Variants in ZNFX1 observed in about 807,000 individuals in gnomAD.
ZNFX1 encodes the protein NFX1-type zinc finger-containing protein 1.
In ZNFX1, 78 loss-of-function variants were observed where a neutral mutation model predicts 179.8. That is an observed-to-expected ratio of 0.43 (90% CI 0.36 to 0.52). The LOEUF (loss-of-function observed/expected upper bound fraction) is 0.52, where lower values mean the gene tolerates loss of function less well. Ranked by LOEUF, ZNFX1 falls within the 20% of genes least tolerant of loss-of-function variation. The pLI, the probability that ZNFX1 is intolerant of heterozygous loss-of-function variation, is 0.00. For missense variants in ZNFX1, 1,927 were observed against 2,386.6 expected, an observed-to-expected ratio of 0.81 and a Z score of 4.01; for synonymous variants, 848 against 868.5, an observed-to-expected ratio of 0.98 and a Z score of 0.42.
chr20:49,263,610 C>T lies in ZNFX1; in HGVS notation c.2152-127G>A, dbSNP rs377205090. On this transcript the variant is annotated intron_variant, in intron 5 of 13. Transcript: ENST00000396105. ...AGGGAGAATAAATAAATAGACTGGTCAACAAACCAATTTCCCAAGGCACAT... is the reference window on the plus strand; with the variant it reads ...AGGGAGAATAAATAAATAGACTGGTTAACAAACCAATTTCCCAAGGCACAT... 102 of 1,133,448 alleles carry T rather than the reference C, an allele frequency of 9.0e-5. No individual in the cohort carries two copies. The East Asian group carries it at 1.6e-3, about 18-fold the overall frequency. 70.2% of individuals were successfully genotyped at this position (1,133,448 alleles called of 1,614,324 possible). A position where few individuals can be genotyped will look rare whatever the true frequency, so the allele number is the denominator to read the frequency against.
intron 8 of ZNFX1, among the ~76,000 whole-genome samples, chr20:49,256,309 A>G (rs1980969636): frequency 6.6e-6 from 1 of 152,212 alleles, no homozygotes; most frequent in Non-Finnish European, 1.5e-5. Context: ...TACTAGTACT[A>G]GCACTAGTTA....
In ZNFX1 at chr20:49,247,231, A is replaced by C; in HGVS notation, c.*36T>G. On this transcript the variant is annotated 3_prime_UTR_variant, in exon 14 of 14. Transcript: ENST00000396105. ...ATTAGGGAGCTGGCCCCAGTCATTCAGTGGCGAGGGCAAAAGGCAGTGGTG... is the reference window on the plus strand; with the variant it reads ...ATTAGGGAGCTGGCCCCAGTCATTCCGTGGCGAGGGCAAAAGGCAGTGGTG... 6.4e-7 allele frequency: 1 copy of C among 1,554,708 alleles called. No homozygotes were observed. The highest frequency in any genetic ancestry group is 8.7e-7 in the Non-Finnish European group (1 of 1,150,920).
At position 49,248,975 on chromosome 20, in the gene ZNFX1, T is replaced by G. The variant is rs751718170; in HGVS notation, c.4049A>C (p.Lys1350Thr). 6.2e-7 allele frequency: 1 copy of G among 1,614,194 alleles called. No individual in the cohort carries two copies. Among genetic ancestry groups the G allele is most frequent in the Non-Finnish European group, 8.5e-7 (1 of 1,180,034 alleles). ...TTCATGGCCGCACCGAGGAATGGTT[T>G]TGGGCACCTTCACCTGACAAGGCTG... The part of the protein sequence containing the change: ...ECQPCQVKVP[K>T]TIPRCGHEQM... Residue 1350 changes from lysine to threonine, a missense_variant, in exon 14 of 14, where the codon AAA becomes ACA. By Grantham distance (78) the Lys-to-Thr change is moderately conservative. Coordinates refer to ENST00000396105, the MANE Select transcript of ZNFX1 (RefSeq NM_021035.3). The surrounding 1 kb of genome is among the most constrained non-coding windows in gnomAD (Gnocchi z 4.6).
rs746935622 is a variant in ZNFX1, at chr20:49,270,729, T to A, written c.1083A>T (p.Lys361Asn). ...CCAGATAGATAGCAGTGCTGTCGTATTTTCCAGAAATGATATTGGGGCGAA... is the reference window on the plus strand; with the variant it reads ...CCAGATAGATAGCAGTGCTGTCGTAATTTCCAGAAATGATATTGGGGCGAA... ...PFLRPNIISGKYDSTAIYLDT... is the reference protein window; with the variant it reads ...PFLRPNIISGNYDSTAIYLDT... Residue 361 changes from lysine to asparagine, a missense_variant, in exon 3 of 14, where the codon AAA (lysine) becomes AAT (asparagine). By Grantham distance (94) the Lys-to-Asn change is moderately conservative (BLOSUM62 0). Coordinates refer to ENST00000396105, the MANE Select transcript of ZNFX1 (RefSeq NM_021035.3). The surrounding 1 kb of genome is among the most constrained non-coding windows in gnomAD (Gnocchi z 4.6). 1 of 1,614,196 alleles carries A rather than the reference T, an allele frequency of 6.2e-7. No individual in the cohort carries two copies.
chr20:49,261,306 C>T (rs562759456), intron 6 of ZNFX1, among the ~76,000 whole-genome samples: 4 of 152,238 alleles, frequency 2.6e-5, no homozygotes, highest in Admixed American at 6.5e-5. Context: ...ATCTAATCAA[C>T]CTAAATGCGC....
chr20:49,265,044 A>C (rs6063380), intron 4 of ZNFX1, among the ~76,000 whole-genome samples, 180 bp from the exon 5 acceptor site: 67,561 of 152,046 alleles, frequency 0.44, 16,459 homozygotes, highest in Middle Eastern at 0.6. Context: ...GCAGAGCAGT[A>C]AAGTGTAGCA....
intron 1 of ZNFX1, among the ~76,000 whole-genome samples, chr20:49,277,290 G>C (rs1981594807): frequency 1.3e-5 from 2 of 151,956 alleles, no homozygotes; most frequent in African/African-American, 4.8e-5. Context: ...GGAGCCCACG[G>C]TCCCTAATGG....
Position 49,247,390 on chromosome 20 carries a change from G to A in ZNFX1, c.5634C>T (p.Gly1878=), listed in dbSNP as rs1384703445. ...TGCTTCTTTCCAGAGTATGATTTGT[G>A]CCACCAATCACTTCCTTACAGTCAG... ...TCPDCKEVIG[G]TNHTLERSNQ... is the part of the protein sequence containing the mutation. Residue 1878 remains glycine, a synonymous_variant, in exon 14 of 14, where the codon GGC becomes GGT. Transcript: ENST00000396105. 17 of 1,614,012 alleles carry A rather than the reference G, an allele frequency of 1.1e-5. No individual in the cohort carries two copies. Among genetic ancestry groups the A allele is most frequent in the Admixed American group, 1.7e-5 (1 of 59,996 alleles).
In ZNFX1 at chr20:49,271,745, C is replaced by T. The variant is rs749031960; in HGVS notation, c.67G>A (p.Val23Met). The change falls in exon 3 of 14, where the codon GTG becomes ATG. Residue 23 changes from valine (V) to methionine (M), a missense_variant. Val to Met is a conservative substitution (Grantham distance 21). Coordinates refer to ENST00000396105, the MANE Select transcript of ZNFX1 (RefSeq NM_021035.3). ...RNSHTNHRGP[V>M]DGELPPRARN... ...GCTCTTGGTGGTAACTCTCCATCCACAGGGCCTAAACACAATGAAATATTG... is the reference window on the plus strand; with the variant it reads ...GCTCTTGGTGGTAACTCTCCATCCATAGGGCCTAAACACAATGAAATATTG... 3 of 1,610,848 alleles carry T rather than the reference C, an allele frequency of 1.9e-6. No homozygotes were observed. The highest frequency in any genetic ancestry group is 2.2e-5 in the South Asian group (2 of 90,890).
chr20:49,268,667 A>T (rs1427344307), intron 3 of ZNFX1, among the ~76,000 whole-genome samples: 1 of 152,170 alleles, frequency 6.6e-6, no homozygotes, highest in Non-Finnish European at 1.5e-5. Context: ...CCATTAAAAA[A>T]TGAGCAAAGG....
rs779906561 is a variant in ZNFX1 at position 49,271,461 on chromosome 20, T to C, written c.351A>G (p.Pro117=). The C allele has an allele frequency of 1.2e-6, 2 of 1,614,190 alleles. No individual in the cohort carries two copies. Among genetic ancestry groups the C allele is most frequent in the Admixed American group, 3.3e-5 (2 of 60,014 alleles). The change falls in exon 3 of 14, where the codon CCA becomes CCG. Residue 117 remains proline, a synonymous_variant. Transcript: ENST00000396105. ...GCTGGAAGTTGTCATTGGACCATGG[T>C]GGTCTGCGGTTCCTACAGTCCTGGT... ...NGNQDCRNRR[P]PWSNDNFQQW...
chr20:49,271,551 A>C lies in ZNFX1; in HGVS notation c.261T>G (p.His87Gln). ...PHQGRRNQEG[H>Q]ASDEARDQRH... ...TTTGGTCTCTAGCTTCGTCGCTGGCATGCCCCTCCTGGTTCCTCCTTCCTT... is the reference window on the plus strand; with the variant it reads ...TTTGGTCTCTAGCTTCGTCGCTGGCCTGCCCCTCCTGGTTCCTCCTTCCTT... Residue 87 changes from histidine to glutamine, a missense_variant, in exon 3 of 14, where the codon CAT becomes CAG. His to Gln is a conservative substitution (Grantham distance 24). Transcript: ENST00000396105. 1 of 1,614,126 alleles carries C rather than the reference A, an allele frequency of 6.2e-7. No homozygotes were observed. The highest frequency in any genetic ancestry group is 1.1e-5 in the South Asian group (1 of 91,082).
At chr20:49,257,224 G>A (rs1980990476) in intron 8 of ZNFX1, among the ~76,000 whole-genome samples, 193 bp downstream of exon 8, 1 of 152,164 alleles carries the variant, frequency 6.6e-6, no homozygotes, top group Admixed American at 6.5e-5. Context: ...GGCATTTCTT[G>A]CCAGAGGCCC....
In ZNFX1 at chr20:49,271,628, C is replaced by T. The variant is rs373205191; in HGVS notation, c.184G>A (p.Ala62Thr). The stretch of plus-strand genomic sequence containing the variant: ...AATCTCTCTTCCCTCTGCCAGTAAG[C>T]AGCAGGATGGTTGTTGGCCCTAGGA... ...RHPRANNHPA[A>T]YWQREERFRA... Residue 62 changes from alanine (A) to threonine (T), a missense_variant, in exon 3 of 14, where the codon GCT (alanine) becomes ACT (threonine). Physicochemically the swap from Ala to Thr is moderately conservative, Grantham distance 58. Transcript: ENST00000396105. 1.4e-5 allele frequency: 22 copies of T among 1,613,980 alleles called. No individual in the cohort carries two copies. The African/African-American group carries it at 2.7e-4, about 20-fold the overall frequency.
intron 12 of ZNFX1, among the ~76,000 whole-genome samples, chr20:49,252,314 G>GC (rs1323341972): frequency 6.6e-6 from 1 of 151,550 alleles, no homozygotes; most frequent in South Asian, 2.1e-4. Flanking sequence ...GCTAATTTTT[G>GC]CATTTTTAGT....
chr20:49,247,462 G>C lies in ZNFX1; in HGVS notation c.5562C>G (p.Ile1854Met). 1 of 1,614,160 alleles carries C rather than the reference G, an allele frequency of 6.2e-7. No individual in the cohort carries two copies. The highest frequency in any genetic ancestry group is 8.5e-7 in the Non-Finnish European group (1 of 1,180,032). ...CTCCCCCACAATCGCCAATCACATA[G>C]ATATGGCCATTGCGGCACTTGAACC... is the stretch of plus-strand genomic sequence containing the variant. The part of the protein sequence containing the change: ...GHWFKCRNGH[I>M]YVIGDCGGAM... The change falls in exon 14 of 14, where the codon ATC (isoleucine) becomes ATG (methionine). Residue 1854 changes from isoleucine to methionine, a missense_variant. Coordinates refer to ENST00000396105, the MANE Select transcript of ZNFX1 (RefSeq NM_021035.3).
At position 49,270,675 on chromosome 20, in the gene ZNFX1, A is replaced by G. The variant is rs1412694223; in HGVS notation, c.1137T>C (p.Asp379=). The part of the protein sequence containing the change: ...LDTHFRLLRE[D]FVRPLREGIL... ...TACCTTCCCGTAAAGGTCTGACGAA[A>G]TCTTCTCGCAGGAGCCGGAAGTGGG... Residue 379 remains aspartate (D), a synonymous_variant, in exon 3 of 14, where the codon GAT becomes GAC. Transcript: ENST00000396105. The surrounding 1 kb of genome is among the most constrained non-coding windows in gnomAD (Gnocchi z 4.6). The G allele has an allele frequency of 6.2e-7, 1 of 1,614,144 alleles. No homozygotes were observed. The highest frequency in any genetic ancestry group is 8.5e-7 in the Non-Finnish European group (1 of 1,180,034).
intron 3 of ZNFX1, among the ~76,000 whole-genome samples, chr20:49,267,644 A>G (rs563000472): frequency 1.3e-5 from 2 of 152,280 alleles, no homozygotes; most frequent in Admixed American, 1.3e-4. Context: ...AATAATAGTT[A>G]TGACCCCAGA....
chr20:49,263,494 C>G lies in ZNFX1; in HGVS notation c.2152-11G>C. The G allele has an allele frequency of 6.4e-7, 1 of 1,566,180 alleles. No homozygotes were observed. Among genetic ancestry groups the G allele is most frequent in the Non-Finnish European group, 8.7e-7 (1 of 1,154,144 alleles). The stretch of plus-strand genomic sequence containing the variant: ...CATCTGTGTCATGATCTTCCAAGAA[C>G]AGAGGGAAAGAAATGATGAGGAAAT... On this transcript the variant is annotated splice_polypyrimidine_tract_variant and intron_variant, in intron 5 of 13. Transcript: ENST00000396105.
Sources: allele counts gnomAD v4.1 joint callset (sites outside exome capture counted in the v4.1 genomes callset), GRCh38; gene constraint gnomAD v4.1.1; non-coding constraint Gnocchi (gnomAD v3.1); transcripts MANE v1.5; gene names NCBI Gene and HGNC (gene_info 2026-07-23, HGNC 2026-07-21).